Variants in ARHGAP29 observed in about 807,000 individuals in gnomAD.
ARHGAP29 encodes the protein Rho GTPase activating protein 29.
Under a neutral mutation model 122.6 loss-of-function variants are expected in ARHGAP29, and 43 were observed. The ratio of observed to expected loss-of-function variants is 0.35; its 90% CI spans 0.27 to 0.45. The LOEUF is 0.45. Among genes scored for constraint, ARHGAP29 ranks in the 20% least tolerant of loss-of-function variants. ARHGAP29 has a pLI of 1.00. For missense variants in ARHGAP29, 1,303 were observed against 1,477.2 expected, an observed-to-expected ratio of 0.88 and a Z score of 1.93; for synonymous variants, 506 against 497.1, an observed-to-expected ratio of 1.02 and a Z score of -0.24.
In ARHGAP29 at chr1:94,185,321, A is replaced by C. The variant is rs545081951; in HGVS notation, c.1920+21T>G. 168 of 1,558,748 alleles carry C rather than the reference A, an allele frequency of 1.1e-4. 1 individual carries two copies. In the South Asian group the frequency reaches 1.9e-3, roughly 18 times the overall value. On this transcript the variant is annotated intron_variant, in intron 17 of 22. Transcript: ENST00000260526. ...AAACAAAAAGCATAAAAGGGTCAAC[A>C]CAATTCCACAAAGATCTTACCTCTT...
chr1:94,209,287 G>A lies in ARHGAP29; in HGVS notation c.404C>T (p.Ser135Phe). Reference sequence around the variant, plus strand: ...AAAGGTAAATGCCAAAGTTTCAATAGAAGAAAACACTTCCTGGAAGAGATC... The same window carrying A: ...AAAGGTAAATGCCAAAGTTTCAATAAAAGAAAACACTTCCTGGAAGAGATC... ...KNDLFQEVFS[S>F]IETLAFTFGN... Residue 135 changes from serine to phenylalanine, a missense_variant, in exon 4 of 23, where the codon TCT (serine) becomes TTT (phenylalanine). This residue lies in a region of ARHGAP29 where 592 missense variants were observed against 648.2 expected (regional missense o/e 0.91). Coordinates refer to ENST00000260526, the MANE Select transcript of ARHGAP29 (RefSeq NM_004815.4). The A allele has an allele frequency of 6.2e-7, 1 of 1,610,376 alleles. No homozygotes were observed. The highest frequency in any genetic ancestry group is 8.5e-7 in the Non-Finnish European group (1 of 1,178,922).
At chr1:94,257,378 G>C (rs914970773) in intron 1 of ARHGAP29, among the ~76,000 whole-genome samples, 10 of 151,678 alleles carry the variant, frequency 6.6e-5, no homozygotes, top group African/African-American at 2.2e-4. Flanking sequence ...CTCCAGCCTG[G>C]CAACAGGGTG....
chr1:94,183,615 C>G (rs949235967), intron 19 of ARHGAP29, among the ~76,000 whole-genome samples: 2 of 152,160 alleles, frequency 1.3e-5, no homozygotes, highest in South Asian at 2.1e-4. Context: ...AGGACTCATT[C>G]ATCATCTTGG....
chr1:94,262,944 A>G (rs973694099), intron 1 of ARHGAP29, among the ~76,000 whole-genome samples: 1 of 152,198 alleles, frequency 6.6e-6, no homozygotes, highest in African/African-American at 2.4e-5. Context: ...ACATGCACAC[A>G]TATGTTCATG....
the ARHGAP29 span, among the ~76,000 whole-genome samples, chr1:94,309,523 T>C: frequency 2.0e-5 from 3 of 152,228 alleles, no homozygotes; most frequent in East Asian, 1.9e-4. Context: ...AGACACATTA[T>C]GCACAGATGA....
In ARHGAP29 at chr1:94,235,219, G is replaced by A. The variant is rs115146767; in HGVS notation, c.-33+2196C>T. Among the ~76,000 whole-genome samples the A allele has an allele frequency of 3.3e-3, 503 of 152,168 alleles. 1 individual carries two copies. The highest frequency in any genetic ancestry group is 0.011 in the African/African-American group (476 of 41,534). ...AAGGAAACATTACAATTGAAAAAAC[G>A]TTTAAAATAACAAACTTAACCCAAG... On this transcript the variant is annotated intron_variant, in intron 1 of 22. Coordinates refer to ENST00000260526, the MANE Select transcript of ARHGAP29 (RefSeq NM_004815.4).
intron 19 of ARHGAP29, 110 bp from the exon 20 acceptor site, chr1:94,180,067 T>C (rs2101360652): frequency 2.8e-6 from 2 of 717,734 alleles, no homozygotes; most frequent in South Asian, 4.1e-5. Context: ...ATTAAGAATA[T>C]TTAAAGTCAA....
At position 94,204,012 on chromosome 1, in the gene ARHGAP29, G is replaced by T; in HGVS notation, c.698-18C>A. 2.5e-6 allele frequency: 4 copies of T among 1,600,148 alleles called. No individual in the cohort carries two copies. The highest frequency in any genetic ancestry group is 2.6e-6 in the Non-Finnish European group (3 of 1,168,794). On this transcript the variant is annotated intron_variant, in intron 7 of 22. Transcript: ENST00000260526. ...CTCCAATTCTGAAAAGTTCAAAGAG[G>T]GTATCAGAAGGTAAAATCAATTTAT...
At chr1:94,242,810 C>G (rs1474343317) in intron 1 of ARHGAP29, among the ~76,000 whole-genome samples, 1 of 151,840 alleles carries the variant, frequency 6.6e-6, no homozygotes, top group East Asian at 1.9e-4. Flanking sequence ...TATATTTTTC[C>G]TATTAAAACA....
chr1:94,258,306 T>C (rs1478907963), intron 1 of ARHGAP29, among the ~76,000 whole-genome samples: 1 of 152,266 alleles, frequency 6.6e-6, no homozygotes, highest in Admixed American at 6.5e-5. Flanking sequence ...TTATGCTCAG[T>C]ATTACCTGGT....
the ARHGAP29 span, among the ~76,000 whole-genome samples, chr1:94,310,498 C>A: frequency 6.6e-6 from 1 of 152,176 alleles, no homozygotes; most frequent in Admixed American, 6.5e-5. Context: ...ACTAAAGGAA[C>A]TGAGTATGTT....
At chr1:94,295,267 T>C in the ARHGAP29 span, among the ~76,000 whole-genome samples, 1 of 152,104 alleles carries the variant, frequency 6.6e-6, no homozygotes, top group Non-Finnish European at 1.5e-5. Context: ...GCCAAGTGGG[T>C]ATATAGAAGA....
intron 1 of ARHGAP29, among the ~76,000 whole-genome samples, chr1:94,245,535 A>T (rs999103695): frequency 6.6e-6 from 1 of 152,226 alleles, no homozygotes; most frequent in Admixed American, 6.5e-5. Flanking sequence ...ACCTAATCTT[A>T]AATGACAAAA....
chr1:94,252,902 ATC>A (rs1570608230), intron 1 of ARHGAP29, among the ~76,000 whole-genome samples: 1 of 152,066 alleles, frequency 6.6e-6, no homozygotes, highest in East Asian at 1.9e-4. Flanking sequence ...ACAAAATGAG[ATC>A]TGTTTTTCTG....
intron 3 of ARHGAP29, among the ~76,000 whole-genome samples, chr1:94,214,426 A>AG (rs1161327385): frequency 6.6e-6 from 1 of 152,194 alleles, no homozygotes; most frequent in Non-Finnish European, 1.5e-5. Context: ...GTCTAGTTTT[A>AG]ACCTCCAAGC....
chr1:94,283,458 T>C, the ARHGAP29 span, among the ~76,000 whole-genome samples: 60 of 152,168 alleles, frequency 3.9e-4, no homozygotes, highest in Non-Finnish European at 2.2e-4. Flanking sequence ...TATTTTAAAA[T>C]GCCCCCAGTT....
chr1:94,182,842 A>G (rs1649564097), intron 19 of ARHGAP29, among the ~76,000 whole-genome samples: 1 of 152,092 alleles, frequency 6.6e-6, no homozygotes, highest in South Asian at 2.1e-4. Context: ...AAAACAAAAC[A>G]AAACAAAACA....
chr1:94,222,219 C>G (rs1570566128), intron 2 of ARHGAP29, among the ~76,000 whole-genome samples: 1 of 152,108 alleles, frequency 6.6e-6, no homozygotes, highest in Non-Finnish European at 1.5e-5. Context: ...TGTAAAAGAA[C>G]TGTAAAAAAT....
chr1:94,271,432 A>G (rs1159445089), intron 1 of ARHGAP29, among the ~76,000 whole-genome samples: 4 of 152,222 alleles, frequency 2.6e-5, no homozygotes, highest in Non-Finnish European at 5.9e-5. Flanking sequence ...TAGTAAGAGA[A>G]GATTATTTCT....
Sources: allele counts gnomAD v4.1 joint callset (sites outside exome capture counted in the v4.1 genomes callset), GRCh38; gene constraint gnomAD v4.1.1; regional missense constraint gnomAD v4.1.1; transcripts MANE v1.5; gene names NCBI Gene and HGNC (gene_info 2026-07-23, HGNC 2026-07-21).